Variants in C14orf39 observed in about 807,000 individuals in gnomAD.
C14orf39 encodes the protein chromosome 14 open reading frame 39.
C14orf39 carries 66 observed loss-of-function variants against 85.6 expected under a neutral mutation model. The ratio of observed to expected loss-of-function variants is 0.77; its 90% CI spans 0.63 to 0.95. The LOEUF (loss-of-function observed/expected upper bound fraction) is 0.95. Ranked by LOEUF, C14orf39 falls within the 40% of genes least tolerant of loss-of-function variation. C14orf39 has a pLI of 0.00. For synonymous variants in C14orf39, 242 were observed against 214.0 expected (o/e 1.13, Z -1.14); for missense variants, 735 against 663.9 (o/e 1.11, Z -1.18).
chr14:60,454,882 T>C (rs1891196983), intron 16 of C14orf39, 119 bp downstream of exon 16: 1 of 764,680 alleles, frequency 1.3e-6, no homozygotes, highest in Admixed American at 3.8e-5. Context: ...ATACTCAGAA[T>C]TTTTTTAAAT....
Position 60,484,758 on chromosome 14 carries a change from C to T in C14orf39, c.106+123G>A. On this transcript the variant is annotated intron_variant, in intron 3 of 17. Coordinates refer to ENST00000321731, the MANE Select transcript of C14orf39 (RefSeq NM_174978.3). The surrounding 1 kb of genome is among the most constrained non-coding windows in gnomAD (Gnocchi z 4.2). ...TCTAGGGTAAATAGTTTATTTGTCGCTAGAGAGAACTGACACAAAAGTTAT... is the reference window on the plus strand; with the variant it reads ...TCTAGGGTAAATAGTTTATTTGTCGTTAGAGAGAACTGACACAAAAGTTAT... The T allele has an allele frequency of 1.5e-6, 1 of 663,608 alleles. No homozygotes were observed. The highest frequency in any genetic ancestry group is 2.6e-6 in the Non-Finnish European group (1 of 388,216). The allele number at this position is 663,608 out of a possible 1,614,324, so 41.1% of individuals were successfully genotyped here. A position where few individuals can be genotyped will look rare whatever the true frequency, so the allele number is the denominator to read the frequency against.
intron 15 of C14orf39, among the ~76,000 whole-genome samples, chr14:60,456,486 G>T (rs1891284454): frequency 6.6e-6 from 1 of 150,968 alleles, no homozygotes; most frequent in Non-Finnish European, 1.5e-5. Context: ...AAATTCCTGG[G>T]CTCAAGGGAT....
At chr14:60,487,492 C>CGT (rs1308228152), upstream of C14orf39, among the ~76,000 whole-genome samples, 323 of 150,212 alleles carry the variant, frequency 2.2e-3, 1 homozygote, top group East Asian at 5.9e-3. Context: ...AATAAAAGTC[C>CGT]GTGTGTGTGT....
At chr14:60,510,116 T>C in intron 1 of C14orf39, 1 of 730,264 alleles carries the variant, frequency 1.4e-6, no homozygotes, top group Non-Finnish European at 2.3e-6. Context: ...CCCTGCGTTC[T>C]GGGCTCCTGG....
At chr14:60,483,577 G>T in intron 4 of C14orf39, 114 bp downstream of exon 4, 1 of 866,658 alleles carries the variant, frequency 1.2e-6, no homozygotes. Flanking sequence ...GGCACATTAA[G>T]ACTTGATTCA....
At chr14:60,444,476 A>G (rs1890669463) in intron 16 of C14orf39, among the ~76,000 whole-genome samples, 1 of 152,216 alleles carries the variant, frequency 6.6e-6, no homozygotes, top group Admixed American at 6.5e-5. Flanking sequence ...TTAATGAAAT[A>G]AAGCAAGAAG....
Position 60,466,928 on chromosome 14 carries a change from G to C in C14orf39, c.884C>G (p.Pro295Arg). 1 of 1,482,692 alleles carries C rather than the reference G, an allele frequency of 6.7e-7. No homozygotes were observed. Among genetic ancestry groups the C allele is most frequent in the Non-Finnish European group, 8.9e-7 (1 of 1,121,606 alleles). 91.8% of individuals were successfully genotyped at this position (1,482,692 alleles called of 1,614,324 possible). Residue 295 changes from proline (P) to arginine (R), a missense_variant, in exon 10 of 18, where the codon CCA becomes CGA. Physicochemically the swap from Pro to Arg is moderately radical, Grantham distance 103 (BLOSUM62 -2). Transcript: ENST00000321731. ...AACAGATATTATACCTGCAACTCTT[G>C]GTTCTGAAGAATGCATCTTTATTGG... Reference protein sequence around the residue: ...VRPIKMHSSEPRVADIKEESS... With the variant: ...VRPIKMHSSERRVADIKEESS...
At chr14:60,448,970 G>A (rs1402339976) in intron 16 of C14orf39, among the ~76,000 whole-genome samples, 1 of 152,082 alleles carries the variant, frequency 6.6e-6, no homozygotes, top group African/African-American at 2.4e-5. Flanking sequence ...CTCACTCATA[G>A]GTGGAAACTG....
rs1893292801 is a variant in C14orf39, at chr14:60,511,397, C to G, written c.-144+3998G>C. ...GACCCGCGGGCTCGGGTTGCCGTTTCCCGCCCCACCCCGCGGCCGGCCTGG... is the reference window on the plus strand; with the variant it reads ...GACCCGCGGGCTCGGGTTGCCGTTTGCCGCCCCACCCCGCGGCCGGCCTGG... On this transcript the variant is annotated intron_variant, in intron 1 of 5. Transcript: ENST00000556799. 8 of 956,082 alleles carry G rather than the reference C, an allele frequency of 8.4e-6. No homozygotes were observed. In the Admixed American group the frequency reaches 1.6e-4, roughly 19 times the overall value. 59.2% of individuals were successfully genotyped at this position (956,082 alleles called of 1,614,324 possible).
chr14:60,448,833 T>TACAC (rs1174691489), intron 16 of C14orf39, among the ~76,000 whole-genome samples: 2 of 152,212 alleles, frequency 1.3e-5, no homozygotes, highest in African/African-American at 4.8e-5. Flanking sequence ...GTGGCACATA[T>TACAC]ACACCATGGA....
In C14orf39 at chr14:60,459,893, A is replaced by G. The variant is rs377405615; in HGVS notation, c.1118-1154T>C. Among the ~76,000 whole-genome samples, 37 of 151,886 alleles carry G rather than the reference A, an allele frequency of 2.4e-4. No homozygotes were observed. In the East Asian group the frequency reaches 3.9e-3, roughly 16 times the overall value. On this transcript the variant is annotated intron_variant, in intron 13 of 17. Transcript: ENST00000321731. ...TGAAAGTTTTACGTACTTCAAATAT[A>G]TTATTTGCCCTTGTACTCTTTTTAT...
intron 13 of C14orf39, 24 bp from the exon 14 acceptor site, chr14:60,458,763 AT>A: frequency 1.3e-6 from 2 of 1,546,028 alleles, no homozygotes; most frequent in African/African-American, 1.4e-5. Flanking sequence ...AGAACAAACT[AT>A]TTTTCTTTTT....
intron 11 of C14orf39, 74 bp downstream of exon 11, chr14:60,465,904 TA>T: frequency 3.0e-6 from 2 of 656,208 alleles, no homozygotes; most frequent in Non-Finnish European, 4.9e-6. Context: ...GTCTGTGTCT[TA>T]AGGGCAGTAC....
intron 1 of C14orf39, chr14:60,510,023 G>A: frequency 1.3e-6 from 2 of 1,492,884 alleles, no homozygotes; most frequent in Non-Finnish European, 1.8e-6. Flanking sequence ...GAGGCGGGTG[G>A]AGGCACCTCT....
At chr14:60,442,159 C>G (rs1890545534) in intron 16 of C14orf39, 28 bp from the exon 17 acceptor site, 3 of 1,440,636 alleles carry the variant, frequency 2.1e-6, no homozygotes, top group Non-Finnish European at 2.9e-6. Context: ...TTAAATATTA[C>G]TTGTGAAATC....
At chr14:60,483,477 A>G (rs959513005) in intron 4 of C14orf39, among the ~76,000 whole-genome samples, 4 of 152,222 alleles carry the variant, frequency 2.6e-5, no homozygotes, top group African/African-American at 4.8e-5. Context: ...TAGTTAGATT[A>G]AGTGGATCTG....
At chr14:60,454,706 T>C (rs1243553770) in intron 16 of C14orf39, among the ~76,000 whole-genome samples, 15 of 152,042 alleles carry the variant, frequency 9.9e-5, no homozygotes, top group Non-Finnish European at 1.5e-5. Context: ...TTCTAGTTTG[T>C]CTGAAAGTTA....
intron 2 of C14orf39, among the ~76,000 whole-genome samples, chr14:60,497,629 A>G (rs8018111): frequency 0.81 from 122,657 of 152,186 alleles, 51,187 homozygotes; most frequent in Non-Finnish European, 0.91. Context: ...TAATCCTAGT[A>G]CTTTGGGAGG....
intron 13 of C14orf39, among the ~76,000 whole-genome samples, chr14:60,460,097 G>A (rs1891450799): frequency 6.6e-6 from 1 of 150,848 alleles, no homozygotes; most frequent in Non-Finnish European, 1.5e-5. Flanking sequence ...TTAAGTCATA[G>A]GTATTATTTT....
Sources: gnomAD v4.1 joint callset for allele counts (sites outside exome capture counted in the v4.1 genomes callset) on GRCh38, gnomAD v4.1.1 for gene constraint, Gnocchi (gnomAD v3.1) non-coding constraint, MANE v1.5 for transcripts, NCBI Gene and HGNC (gene_info 2026-07-23, HGNC 2026-07-21) for gene names.